PPFIA3: variants seen among roughly 807,000 people sequenced by gnomAD.
PPFIA3 encodes the protein PPFI scaffold protein A3.
A neutral mutation model predicts 145.8 loss-of-function variants in PPFIA3; 26 were observed. The ratio of observed to expected loss-of-function variants is 0.18; its 90% confidence interval spans 0.13 to 0.25. The LOEUF (loss-of-function observed/expected upper bound fraction) is 0.25. Ranked by LOEUF, PPFIA3 falls within the 10% of genes least tolerant of loss-of-function variation. The probability of loss-of-function intolerance (pLI) is 1.00; values close to 1 mark genes in which losing one functional copy is unlikely to be tolerated. For synonymous variants in PPFIA3, 645 were observed against 661.4 expected, an observed-to-expected ratio of 0.98 and a Z score of 0.38; for missense variants, 1,008 against 1,587.8, an observed-to-expected ratio of 0.63 and a Z score of 6.21.
intron 1 of PPFIA3, among the ~76,000 whole-genome samples, 170 bp from the exon 2 acceptor site, chr19:49,127,689 G>A (rs1471890069): frequency 2.0e-5 from 3 of 152,156 alleles, no homozygotes; most frequent in Admixed American, 6.5e-5. Flanking sequence ...CAGGGTGGCG[G>A]TGCCTGTTTC....
chr19:49,135,290 C>T (rs1424070978), intron 13 of PPFIA3, among the ~76,000 whole-genome samples: 1 of 152,204 alleles, frequency 6.6e-6, no homozygotes, highest in East Asian at 1.9e-4. Flanking sequence ...GATCCTCCCC[C>T]CTCGGCCTCC....
intron 7 of PPFIA3, among the ~76,000 whole-genome samples, chr19:49,131,652 C>T (rs949608990): frequency 3.3e-5 from 5 of 151,690 alleles, no homozygotes; most frequent in East Asian, 1.9e-4. Context: ...AGCGAGACCC[C>T]GTCACTACTT....
At chr19:49,138,727 C>T (rs944561333) in intron 16 of PPFIA3, among the ~76,000 whole-genome samples, 6 of 152,048 alleles carry the variant, frequency 3.9e-5, no homozygotes, top group Non-Finnish European at 5.9e-5. Context: ...CCCAGCACTT[C>T]GGGAGGCCAA....
intron 18 of PPFIA3, 98 bp from the exon 19 acceptor site, chr19:49,141,322 G>A: frequency 1.2e-6 from 1 of 859,818 alleles, no homozygotes; most frequent in Admixed American, 2.1e-5. Context: ...ACTCCCTCAG[G>A]GCCTCTGCCT....
chr19:49,129,254 C>G lies in PPFIA3; in HGVS notation c.508-126C>G. ...TGGATAGCTGGTTGCGGCTGCATACCCGTTATGGAGACAGGAGCCCCAACG... is the reference window on the plus strand; with the variant it reads ...TGGATAGCTGGTTGCGGCTGCATACGCGTTATGGAGACAGGAGCCCCAACG... On this transcript the variant is annotated intron_variant, in intron 4 of 29. Coordinates refer to ENST00000334186, the MANE Select transcript of PPFIA3 (RefSeq NM_003660.4). 6 of 1,062,728 alleles carry G rather than the reference C, an allele frequency of 5.6e-6. No homozygotes were observed. The South Asian group carries it at 9.8e-5, about 17-fold the overall frequency. The allele number at this position is 1,062,728 out of a possible 1,614,324, so 65.8% of individuals were successfully genotyped here. A position where few individuals can be genotyped will look rare whatever the true frequency, so the allele number is the denominator to read the frequency against.
In PPFIA3 at chr19:49,130,057, G is replaced by C. The variant is rs947955135; in HGVS notation, c.647G>C (p.Gly216Ala). Residue 216 changes from glycine to alanine, a missense_variant, in exon 6 of 30, where the codon GGG becomes GCG. Physicochemically the swap from Gly to Ala is moderately conservative, Grantham distance 60. Transcript: ENST00000334186. This position sits in a 1 kb window ranked among gnomAD's most constrained non-coding sequence, Gnocchi z 4.5. ...GGGCTGGAAGAGCCGGGCAAGGATG[G>C]GGATGGGCAGGTGAGACATGGAAGT... ...RSGLEEPGKD[G>A]DGQTLANGLG... The C allele has an allele frequency of 5.0e-6, 8 of 1,611,842 alleles. No homozygotes were observed. The Admixed American group carries it at 6.8e-5, about 14-fold the overall frequency.
rs576051308 is a variant in PPFIA3, at chr19:49,120,573, C to T, written c.-16+851C>T. On this transcript the variant is annotated intron_variant, in intron 1 of 29. Transcript: ENST00000334186. The surrounding 1 kb of genome is among the most constrained non-coding windows in gnomAD (Gnocchi z 4.6). ...CGTCAGCACCTAGGAATCCTGTTCCCCAGCGTTTGCTCTGCTTAGAACCCC... is the reference window on the plus strand; with the variant it reads ...CGTCAGCACCTAGGAATCCTGTTCCTCAGCGTTTGCTCTGCTTAGAACCCC... Among the ~76,000 whole-genome samples, 1 of 152,144 alleles carries T rather than the reference C, an allele frequency of 6.6e-6. No homozygotes were observed. The highest frequency in any genetic ancestry group is 1.5e-5 in the Non-Finnish European group (1 of 68,016).
At chr19:49,132,789 C>T (rs1480191208) in intron 7 of PPFIA3, among the ~76,000 whole-genome samples, 1 of 152,166 alleles carries the variant, frequency 6.6e-6, no homozygotes, top group African/African-American at 2.4e-5. Context: ...CCTGCAGTGT[C>T]CTAGAAGCTC....
chr19:49,150,112 G>T lies in PPFIA3; in HGVS notation c.3559G>T (p.Val1187Phe). ...QTSGSSRADG[V>F]SVRTYSC ...TTCTGGGAGTTCCCGGGCAGACGGC[G>T]TTTCGGTCCGGACCTATTCCTGCTA... The change falls in exon 29 of 30, where the codon GTT becomes TTT. Residue 1187 changes from valine to phenylalanine, a missense_variant. By Grantham distance (50) the Val-to-Phe change is conservative (BLOSUM62 -1). Coordinates refer to ENST00000334186, the MANE Select transcript of PPFIA3 (RefSeq NM_003660.4). 6.2e-7 allele frequency: 1 copy of T among 1,611,080 alleles called. No individual in the cohort carries two copies.
At position 49,128,184 on chromosome 19, in the gene PPFIA3, C is replaced by A; in HGVS notation, c.240+71C>A. The A allele has an allele frequency of 6.8e-7, 1 of 1,465,774 alleles. No individual in the cohort carries two copies. The allele number at this position is 1,465,774 out of a possible 1,614,324, so 90.8% of individuals were successfully genotyped here. ...GGGAAGAAGGCGGTCCGGAAGGGGCCGGGCTTGGCGCCTGGAAGGGAGGAG... is the reference window on the plus strand; with the variant it reads ...GGGAAGAAGGCGGTCCGGAAGGGGCAGGGCTTGGCGCCTGGAAGGGAGGAG... On this transcript the variant is annotated intron_variant, in intron 2 of 29. Transcript: ENST00000334186. The surrounding 1 kb of genome is among the most constrained non-coding windows in gnomAD (Gnocchi z 4.1).
chr19:49,128,184 CGG>C lies in PPFIA3; in HGVS notation c.240+73_240+74del. Reference sequence around the variant, plus strand: ...GGGAAGAAGGCGGTCCGGAAGGGGCCGGGCTTGGCGCCTGGAAGGGAGGAGTC... The same window carrying C: ...GGGAAGAAGGCGGTCCGGAAGGGGCCGCTTGGCGCCTGGAAGGGAGGAGTC... On this transcript the variant is annotated intron_variant, in intron 2 of 29. Coordinates refer to ENST00000334186, the MANE Select transcript of PPFIA3 (RefSeq NM_003660.4). This position sits in a 1 kb window ranked among gnomAD's most constrained non-coding sequence, Gnocchi z 4.1. 1 of 1,465,776 alleles carries C rather than the reference CGG, an allele frequency of 6.8e-7. No individual in the cohort carries two copies. 90.8% of individuals were successfully genotyped at this position (1,465,776 alleles called of 1,614,324 possible). A position where few individuals can be genotyped will look rare whatever the true frequency, so the allele number is the denominator to read the frequency against.
At position 49,120,902 on chromosome 19, in the gene PPFIA3, T is replaced by C. The variant is rs1055984158; in HGVS notation, c.-16+1180T>C. On this transcript the variant is annotated intron_variant, in intron 1 of 29. Coordinates refer to ENST00000334186, the MANE Select transcript of PPFIA3 (RefSeq NM_003660.4). The surrounding 1 kb of genome is among the most constrained non-coding windows in gnomAD (Gnocchi z 4.6). ...GCTCTCACCTTCCAATCCCCCATCA[T>C]TTACCTCCACAAGGATTCAGGAGTC... Among the ~76,000 whole-genome samples the C allele has an allele frequency of 6.6e-6, 1 of 152,144 alleles. No individual in the cohort carries two copies. Among genetic ancestry groups the C allele is most frequent in the Non-Finnish European group, 1.5e-5 (1 of 68,028 alleles).
intron 23 of PPFIA3, chr19:49,146,435 G>T (rs2041281806): frequency 1.7e-6 from 1 of 586,974 alleles, no homozygotes; most frequent in Admixed American, 3.1e-5. Flanking sequence ...TTTCATCATC[G>T]TGGGTTGTGG....
chr19:49,146,201 C>CGCGGG lies in PPFIA3; in HGVS notation c.2835+18_2835+22dup, dbSNP rs777104583. 6.2e-7 allele frequency: 1 copy of CGCGGG among 1,613,430 alleles called. No homozygotes were observed. The highest frequency in any genetic ancestry group is 8.5e-7 in the Non-Finnish European group (1 of 1,179,820). On this transcript the variant is annotated intron_variant, in intron 23 of 29. Coordinates refer to ENST00000334186, the MANE Select transcript of PPFIA3 (RefSeq NM_003660.4). Reference sequence around the variant, plus strand: ...AGATCAGCTGGGAGCAGGTAGGGGGCGCGGGGCGGGGCGTGAGCGCATGAA... The same window carrying CGCGGG: ...AGATCAGCTGGGAGCAGGTAGGGGGCGCGGGGCGGGGCGGGGCGTGAGCGCATGAA...
At position 49,150,150 on chromosome 19, in the gene PPFIA3, A is replaced by T; in HGVS notation, c.*12A>T. ...CCTATTCCTGCTAGTGCAGGCCTCC[A>T]GGTGAGGACCGTGCTGGGCGACCTT... On this transcript the variant is annotated splice_region_variant and 3_prime_UTR_variant, in exon 29 of 30. Coordinates refer to ENST00000334186, the MANE Select transcript of PPFIA3 (RefSeq NM_003660.4). 6.2e-7 allele frequency: 1 copy of T among 1,606,808 alleles called. No homozygotes were observed. The highest frequency in any genetic ancestry group is 1.3e-5 in the African/African-American group (1 of 75,034).
At chr19:49,122,912 G>A (rs926311129) in intron 1 of PPFIA3, among the ~76,000 whole-genome samples, 4 of 149,386 alleles carry the variant, frequency 2.7e-5, no homozygotes, top group Admixed American at 6.7e-5. Context: ...TGGTAGAGAC[G>A]GGGTATCACC....
rs1168954589 is a variant in PPFIA3 at position 49,142,921 on chromosome 19, C to A, written c.2662C>A (p.Pro888Thr). The change falls in exon 21 of 30, where the codon CCG (proline) becomes ACG (threonine). Residue 888 changes from proline to threonine, a missense_variant. This residue lies in a region of PPFIA3 where 154 missense variants were observed against 369.2 expected (regional missense o/e 0.42). Transcript: ENST00000334186. ...CCAGCGCGAGATCGGCATCAGCAAC[C>A]CGCTGCACCGACTCAAGCTACGCCT... ...EIQREIGISN[P>T]LHRLKLRLAI... 1 of 1,613,794 alleles carries A rather than the reference C, an allele frequency of 6.2e-7. No individual in the cohort carries two copies. Among genetic ancestry groups the A allele is most frequent in the South Asian group, 1.1e-5 (1 of 91,076 alleles).
At chr19:49,136,999 C>A in intron 15 of PPFIA3, 88 bp downstream of exon 15, 2 of 1,269,800 alleles carry the variant, frequency 1.6e-6, no homozygotes, top group South Asian at 1.6e-5. Flanking sequence ...AAGCCTGAGT[C>A]CGTCTCCTCT....
intron 11 of PPFIA3, 30 bp downstream of exon 11, chr19:49,134,195 C>T (rs2122578086): frequency 1.3e-6 from 2 of 1,564,632 alleles, no homozygotes; most frequent in Non-Finnish European, 1.7e-6. Flanking sequence ...CTGCGGGACG[C>T]GGAATTCCGG....
Sources: allele counts gnomAD v4.1 joint callset (sites outside exome capture counted in the v4.1 genomes callset), GRCh38; gene constraint gnomAD v4.1.1; regional missense constraint gnomAD v4.1.1; non-coding constraint Gnocchi (gnomAD v3.1); transcripts MANE v1.5; gene names NCBI Gene and HGNC (gene_info 2026-07-23, HGNC 2026-07-21).